Variants in UNC80 observed in about 807,000 individuals in gnomAD.
UNC80 encodes protein unc-80 homolog.
In UNC80, 164 loss-of-function variants were observed where a neutral mutation model predicts 384.6. The observed-to-expected ratio is 0.43, with a 90% confidence interval of 0.38 to 0.49. The LOEUF (loss-of-function observed/expected upper bound fraction) is 0.49. Among genes scored for constraint, UNC80 ranks in the 20% least tolerant of loss-of-function variants. UNC80 has a pLI of 0.00. For synonymous variants in UNC80, 1,486 were observed against 1,527.8 expected (o/e 0.97, Z 0.64); for missense variants, 3,330 against 4,143.0 (o/e 0.80, Z 5.39).
At chr2:209,843,275 A>G (rs1187060985) in intron 21 of UNC80, among the ~76,000 whole-genome samples, 1 of 152,218 alleles carries the variant, frequency 6.6e-6, no homozygotes, top group African/African-American at 2.4e-5. Flanking sequence ...TGAGGACTAC[A>G]TGAAGTATAT....
intron 23 of UNC80, among the ~76,000 whole-genome samples, chr2:209,877,659 A>G (rs1419592288): frequency 1.3e-5 from 2 of 152,214 alleles, no homozygotes. Flanking sequence ...TATCTATAAA[A>G]TAAATAACCT....
At chr2:209,823,414 C>A (rs917512621) in intron 13 of UNC80, among the ~76,000 whole-genome samples, 14 of 152,188 alleles carry the variant, frequency 9.2e-5, no homozygotes, top group Non-Finnish European at 1.8e-4. Context: ...TTCTGAGGCA[C>A]TGCTGCATAA....
intron 63 of UNC80, among the ~76,000 whole-genome samples, chr2:209,993,751 A>G (rs1177787478): frequency 3.3e-5 from 5 of 152,218 alleles, no homozygotes; most frequent in Admixed American, 2.0e-4. Flanking sequence ...AGGTAAAGCT[A>G]TGATGAATAA....
chr2:209,819,432 C>T (rs2079983368), intron 12 of UNC80, among the ~76,000 whole-genome samples, 171 bp downstream of exon 12: 1 of 151,112 alleles, frequency 6.6e-6, no homozygotes, highest in African/African-American at 2.4e-5. Flanking sequence ...ATAGGTGCAC[C>T]TTACTTTTTT....
intron 7 of UNC80, among the ~76,000 whole-genome samples, chr2:209,806,977 A>T (rs1334274597): frequency 2.0e-5 from 3 of 152,174 alleles, no homozygotes; most frequent in African/African-American, 7.2e-5. Context: ...TGATAACTTG[A>T]CTTTCCAAAG....
At chr2:209,821,783 T>C (rs2080149762) in intron 13 of UNC80, among the ~76,000 whole-genome samples, 1 of 152,160 alleles carries the variant, frequency 6.6e-6, no homozygotes, top group Admixed American at 6.5e-5. Context: ...CAATTTATGG[T>C]TTCAGCTAGG....
chr2:209,965,528 C>T (rs1384931279), intron 51 of UNC80, among the ~76,000 whole-genome samples: 2 of 151,540 alleles, frequency 1.3e-5, no homozygotes, highest in African/African-American at 2.4e-5. Flanking sequence ...TGCAGTGGCA[C>T]AATCTCCTCA....
Position 209,995,487 on chromosome 2 carries a change from T to C in UNC80, c.9867T>C (p.His3289=). The stretch of plus-strand genomic sequence containing the variant: ...TACAGCATGGAGACACTGTCCTTCA[T>C]ATCAGTGAGGAAAATGGCATGGAGA... ...SLLQHGDTVL[H]ISEENGMENP... is the part of the protein sequence containing the mutation. Residue 3289 remains histidine (H), a synonymous_variant, in exon 65 of 65, where the codon CAT becomes CAC. Transcript: ENST00000673920. 1 of 1,551,848 alleles carries C rather than the reference T, an allele frequency of 6.4e-7. No homozygotes were observed. The highest frequency in any genetic ancestry group is 1.4e-5 in the African/African-American group (1 of 73,172).
chr2:209,891,107 C>T (rs945813524), intron 26 of UNC80, among the ~76,000 whole-genome samples: 43 of 152,068 alleles, frequency 2.8e-4, no homozygotes, highest in Admixed American at 2.8e-3. Context: ...AACAAATGAA[C>T]GATTCTTAGA....
chr2:209,969,887 A>G lies in UNC80; in HGVS notation c.8126A>G (p.Asn2709Ser). Residue 2709 changes from asparagine to serine, a missense_variant, in exon 53 of 65, where the codon AAT becomes AGT. Asn to Ser is a conservative substitution (Grantham distance 46). This residue lies in a region of UNC80 where 1,049 missense variants were observed against 1,488.6 expected (regional missense o/e 0.70). Coordinates refer to ENST00000673920, the MANE Select transcript of UNC80 (RefSeq NM_001371986.1). ...HLRSLINVCV[N>S]LVMGVVGPSS... ...AGGTCACTGATCAATGTCTGTGTCA[A>G]TCTGGTGAGTAGCCAAGTGGCAATC... 1.3e-6 allele frequency: 2 copies of G among 1,551,718 alleles called. No homozygotes were observed. Among genetic ancestry groups the G allele is most frequent in the Non-Finnish European group, 1.7e-6 (2 of 1,146,938 alleles).
Position 209,945,923 on chromosome 2 carries a change from T to C in UNC80, c.7266T>C (p.Tyr2422=). ...AIKLCVTVVA[Y]APESFRSLQM... is the part of the protein sequence containing the mutation. Reference sequence around the variant, plus strand: ...AGCTCTGTGTCACTGTGGTGGCGTATGCTCCCGAATCATTCAGAAGGTATC... The same window carrying C: ...AGCTCTGTGTCACTGTGGTGGCGTACGCTCCCGAATCATTCAGAAGGTATC... Residue 2422 remains tyrosine (Y), a synonymous_variant, in exon 47 of 65, where the codon TAT becomes TAC. Coordinates refer to ENST00000673920, the MANE Select transcript of UNC80 (RefSeq NM_001371986.1). 6.4e-7 allele frequency: 1 copy of C among 1,551,728 alleles called. No individual in the cohort carries two copies.
At chr2:209,964,889 C>T (rs943486235) in intron 51 of UNC80, among the ~76,000 whole-genome samples, 2 of 150,910 alleles carry the variant, frequency 1.3e-5, no homozygotes, top group Non-Finnish European at 2.9e-5. Context: ...TTATTTTTTC[C>T]TAATTTGTTA....
intron 55 of UNC80, among the ~76,000 whole-genome samples, chr2:209,972,786 G>A (rs976023014): frequency 8.5e-5 from 13 of 152,186 alleles, no homozygotes; most frequent in Non-Finnish European, 1.8e-4. Context: ...TAAGTACAGT[G>A]CATCATGAGT....
At chr2:209,921,813 G>T (rs2090059673) in intron 34 of UNC80, 127 bp downstream of exon 34, 1 of 1,139,904 alleles carries the variant, frequency 8.8e-7, no homozygotes, top group African/African-American at 1.6e-5. Flanking sequence ...CTCACTTCCT[G>T]ACGCTAACCA....
chr2:209,900,875 A>G (rs1405457026), intron 28 of UNC80, among the ~76,000 whole-genome samples: 1 of 152,240 alleles, frequency 6.6e-6, no homozygotes, highest in Non-Finnish European at 1.5e-5. Context: ...ACCAGCCACA[A>G]TATTCTCTTA....
At position 209,997,103 on chromosome 2, in the gene UNC80, C is replaced by A. The variant is rs1339931515; in HGVS notation, c.*1508C>A. The A allele has an allele frequency of 1.3e-5, 2 of 152,068 alleles. No homozygotes were observed. The highest frequency in any genetic ancestry group is 2.9e-5 in the Non-Finnish European group (2 of 68,004). 9.4% of individuals were successfully genotyped at this position (152,068 alleles called of 1,614,324 possible). A position where few individuals can be genotyped will look rare whatever the true frequency, so the allele number is the denominator to read the frequency against. ...TTGTTAGAATTGCTTATTAAATAGG[C>A]ATACTTTATACTGTGGTTTATAATT... On this transcript the variant is annotated 3_prime_UTR_variant, in exon 65 of 65. Coordinates refer to ENST00000673920, the MANE Select transcript of UNC80 (RefSeq NM_001371986.1).
In UNC80 at chr2:209,992,267, G is replaced by C. The variant is rs763389046; in HGVS notation, c.9396+20G>C. The C allele has an allele frequency of 1.3e-6, 2 of 1,546,234 alleles. No homozygotes were observed. The highest frequency in any genetic ancestry group is 4.9e-5 in the East Asian group (2 of 40,874). ...AGGCAGGTAAGTAGACCCTTAAAGC[G>C]CAAGAGAACCATCCTACGAATTGGA... On this transcript the variant is annotated intron_variant, in intron 62 of 64. Transcript: ENST00000673920.
intron 13 of UNC80, among the ~76,000 whole-genome samples, chr2:209,823,554 A>G (rs1007204191): frequency 2.0e-5 from 3 of 152,158 alleles, no homozygotes; most frequent in East Asian, 1.9e-4. Context: ...CAGAGGGTTC[A>G]TCTTCTTCTA....
chr2:209,852,168 T>C (rs148552204), intron 22 of UNC80, among the ~76,000 whole-genome samples: 10 of 152,152 alleles, frequency 6.6e-5, no homozygotes, highest in Middle Eastern at 3.4e-3. Context: ...GGGGTGAATG[T>C]ACAGGAGGAT....
Sources: allele counts gnomAD v4.1 joint callset (sites outside exome capture counted in the v4.1 genomes callset), GRCh38; gene constraint gnomAD v4.1.1; regional missense constraint gnomAD v4.1.1; transcripts MANE v1.5; gene names NCBI Gene and HGNC (gene_info 2026-07-23, HGNC 2026-07-21).